The following CACNG2 variants were observed in gnomAD, a reference collection of about 807,000 sequenced individuals.
CACNG2 encodes the protein calcium voltage-gated channel auxiliary subunit gamma 2.
In CACNG2, 3 loss-of-function variants were observed where a neutral mutation model predicts 25.9. The ratio of observed to expected loss-of-function variants is 0.12; its 90% CI spans 0.05 to 0.30. CACNG2 has a LOEUF of 0.30. Among genes scored for constraint, CACNG2 ranks in the 10% least tolerant of loss-of-function variants. CACNG2 has a pLI of 1.00. For missense variants in CACNG2, 341 were observed against 432.5 expected (o/e 0.79, Z 1.88); for synonymous variants, 167 against 173.3 (o/e 0.96, Z 0.29).
chr22:36,596,883 G>A (rs1484644353), intron 1 of CACNG2, among the ~76,000 whole-genome samples: 5 of 151,472 alleles, frequency 3.3e-5, no homozygotes, highest in South Asian at 2.1e-4. Flanking sequence ...TCAGCCTCCC[G>A]GGTAGCTGTG....
chr22:36,577,134 C>T (rs1935331888), intron 2 of CACNG2, among the ~76,000 whole-genome samples: 1 of 152,144 alleles, frequency 6.6e-6, no homozygotes, highest in African/African-American at 2.4e-5. Context: ...ACACTTAGCT[C>T]ACAGGGTGCT....
intron 1 of CACNG2, among the ~76,000 whole-genome samples, chr22:36,604,991 T>G (rs1257088891): frequency 6.6e-6 from 1 of 152,104 alleles, no homozygotes; most frequent in East Asian, 1.9e-4. Context: ...TCCAGACTGG[T>G]CTCAAACTCC....
At chr22:36,583,275 A>G (rs146851761) in intron 2 of CACNG2, among the ~76,000 whole-genome samples, 2,961 of 152,194 alleles carry the variant, frequency 0.019, 95 homozygotes, top group African/African-American at 0.068. Context: ...TCTACTAAAA[A>G]TACAAAAATT....
At position 36,675,567 on chromosome 22, in the gene CACNG2, A is replaced by C. The variant is rs6000383; in HGVS notation, c.211+26799T>G. On this transcript the variant is annotated intron_variant, in intron 1 of 3. Coordinates refer to ENST00000300105, the MANE Select transcript of CACNG2 (RefSeq NM_006078.5). ...GTCTCATATGGGTAACGATCCTGGG[A>C]ACTATGTCCCATTCAACAGCCACAG... Among the ~76,000 whole-genome samples, 915 of 152,304 alleles carry C rather than the reference A, an allele frequency of 6.0e-3. 8 individuals carry two copies. Among genetic ancestry groups the C allele is most frequent in the African/African-American group, 0.021 (875 of 41,554 alleles).
chr22:36,700,463 A>G (rs1937397836), intron 1 of CACNG2, among the ~76,000 whole-genome samples: 1 of 152,200 alleles, frequency 6.6e-6, no homozygotes, highest in Non-Finnish European at 1.5e-5. Flanking sequence ...TTATGGTAAA[A>G]CAATGTCTTG....
chr22:36,630,773 G>A (rs1448453764), intron 1 of CACNG2, among the ~76,000 whole-genome samples: 7 of 152,176 alleles, frequency 4.6e-5, no homozygotes, highest in African/African-American at 1.7e-4. Context: ...TCATAGCCCA[G>A]GCAGAGTTGG....
rs768449224 is a variant in CACNG2, at chr22:36,563,622, G to A, written c.*729C>T. 3.9e-5 allele frequency among the ~76,000 whole-genome samples: 6 copies of A among 151,972 alleles called. No homozygotes were observed. The highest frequency in any genetic ancestry group is 7.4e-5 in the Non-Finnish European group (5 of 67,936). On this transcript the variant is annotated 3_prime_UTR_variant, in exon 4 of 4. Transcript: ENST00000300105. ...TAACGGAGAGGAGGGACAAGGGCTC[G>A]GTCACCTGGAGGCCTACGATTGCCC...
intron 2 of CACNG2, among the ~76,000 whole-genome samples, chr22:36,587,244 TGAGTAG>T (rs1387742515): frequency 6.6e-6 from 1 of 152,136 alleles, no homozygotes; most frequent in African/African-American, 2.4e-5. Context: ...GGAGGTCGAC[TGAGTAG>T]GAGTTTGCCA....
chr22:36,610,672 G>A (rs1450258239), intron 1 of CACNG2, among the ~76,000 whole-genome samples: 33 of 152,174 alleles, frequency 2.2e-4, no homozygotes, highest in Admixed American at 2.1e-3. Context: ...GAGAAAGCGG[G>A]GCCACCTCCT....
chr22:36,564,104 C>A lies in CACNG2; in HGVS notation c.*247G>T. ...TGTTTTCTTCCCTCGTTTATATTTTCCCACATTTCCTGTTGTTTTGCTTCT... is the reference window on the plus strand; with the variant it reads ...TGTTTTCTTCCCTCGTTTATATTTTACCACATTTCCTGTTGTTTTGCTTCT... On this transcript the variant is annotated 3_prime_UTR_variant, in exon 4 of 4. Transcript: ENST00000300105. This position sits in a 1 kb window ranked among gnomAD's most constrained non-coding sequence, Gnocchi z 6.7. The A allele has an allele frequency of 8.2e-6, 3 of 367,196 alleles. No homozygotes were observed. 22.7% of individuals were successfully genotyped at this position (367,196 alleles called of 1,614,324 possible). A position where few individuals can be genotyped will look rare whatever the true frequency, so the allele number is the denominator to read the frequency against.
chr22:36,564,357 G>C lies in CACNG2; in HGVS notation c.966C>G (p.Pro322=), dbSNP rs1296749972. ...HSNTANRRTT[P]V is the part of the protein sequence containing the mutation. ...CTGGCGAGGCCCGCGGTCTTTATAC[G>C]GGGGTGGTCCGGCGGTTGGCTGTGT... Residue 322 remains proline, a synonymous_variant, in exon 4 of 4, where the codon CCC becomes CCG. Coordinates refer to ENST00000300105, the MANE Select transcript of CACNG2 (RefSeq NM_006078.5). This position sits in a 1 kb window ranked among gnomAD's most constrained non-coding sequence, Gnocchi z 6.7. The C allele has an allele frequency of 9.3e-6, 15 of 1,613,288 alleles. No homozygotes were observed. The highest frequency in any genetic ancestry group is 1.3e-5 in the African/African-American group (1 of 75,018).
chr22:36,566,482 C>T lies in CACNG2; in HGVS notation c.307G>A (p.Ala103Thr), dbSNP rs559975933. ...CTCAGGATTGGGAAAATGCTGGAGG[C>T]CCTCACGGCCCCTGTGGAACACAGA... ...TAEYFLRAVR[A>T]SSIFPILSVI... Residue 103 changes from alanine (A) to threonine (T), a missense_variant, in exon 3 of 4, where the codon GCC (alanine) becomes ACC (threonine). Physicochemically the swap from Ala to Thr is moderately conservative, Grantham distance 58 (BLOSUM62 0). Around this residue, in one of 2 missense-constraint regions of CACNG2, gnomAD observed 169 missense variants for 254.4 expected, o/e 0.66. Transcript: ENST00000300105. The T allele has an allele frequency of 1.2e-5, 20 of 1,614,088 alleles. No homozygotes were observed. Among genetic ancestry groups the T allele is most frequent in the South Asian group, 5.5e-5 (5 of 91,090 alleles).
intron 1 of CACNG2, among the ~76,000 whole-genome samples, chr22:36,633,737 G>A (rs190613862): frequency 2.6e-5 from 4 of 152,334 alleles, no homozygotes; most frequent in East Asian, 3.9e-4. Flanking sequence ...TTTATAAGAC[G>A]TGGGCTTTAG....
chr22:36,588,712 G>A lies in CACNG2; in HGVS notation c.212-1164C>T, dbSNP rs981098349. Among the ~76,000 whole-genome samples the A allele has an allele frequency of 4.6e-5, 7 of 152,308 alleles. No individual in the cohort carries two copies. The South Asian group carries it at 1.2e-3, about 27-fold the overall frequency. The stretch of plus-strand genomic sequence containing the variant: ...AAGAATTCTTCCCTGGCAGATTGTC[G>A]TGGAGGTTCACTGAGCTGATGCATG... On this transcript the variant is annotated intron_variant, in intron 1 of 3. Coordinates refer to ENST00000300105, the MANE Select transcript of CACNG2 (RefSeq NM_006078.5).
chr22:36,702,798 C>A lies in CACNG2; in HGVS notation c.-222G>T, dbSNP rs1278775742. ...ATTATAAAGATCACACGGGAAGAGG[C>A]TTGCCTTTTGAGATCAGAAACTGTT... is the stretch of plus-strand genomic sequence containing the variant. On this transcript the variant is annotated 5_prime_UTR_variant, in exon 1 of 4. Transcript: ENST00000300105. 1 of 439,538 alleles carries A rather than the reference C, an allele frequency of 2.3e-6. No homozygotes were observed. The highest frequency in any genetic ancestry group is 3.9e-5 in the Admixed American group (1 of 25,836). 27.2% of individuals were successfully genotyped at this position (439,538 alleles called of 1,614,324 possible).
At chr22:36,690,631 G>A (rs958288489) in intron 1 of CACNG2, among the ~76,000 whole-genome samples, 2 of 152,128 alleles carry the variant, frequency 1.3e-5, no homozygotes, top group Non-Finnish European at 1.5e-5. Context: ...CATTTTACAC[G>A]TGAAAAATAG....
chr22:36,626,921 G>A (rs1176007301), intron 1 of CACNG2, among the ~76,000 whole-genome samples: 1 of 152,226 alleles, frequency 6.6e-6, no homozygotes, highest in East Asian at 1.9e-4. Flanking sequence ...TTTAATCATG[G>A]TATAATCCTC....
intron 1 of CACNG2, among the ~76,000 whole-genome samples, chr22:36,687,514 T>C (rs1239678390): frequency 6.6e-6 from 1 of 152,232 alleles, no homozygotes; most frequent in Admixed American, 6.5e-5. Context: ...TTTCCAGGTG[T>C]GCTGTTCTGA....
intron 1 of CACNG2, among the ~76,000 whole-genome samples, chr22:36,611,044 T>TTAA (rs1935932028): frequency 6.6e-6 from 1 of 152,188 alleles, no homozygotes; most frequent in East Asian, 1.9e-4. Flanking sequence ...AGATAAATGT[T>TTAA]TAATAAAAGG....
Sources: allele counts gnomAD v4.1 joint callset (sites outside exome capture counted in the v4.1 genomes callset), GRCh38; gene constraint gnomAD v4.1.1; regional missense constraint gnomAD v4.1.1; non-coding constraint Gnocchi (gnomAD v3.1); transcripts MANE v1.5; gene names NCBI Gene and HGNC (gene_info 2026-07-23, HGNC 2026-07-21).